Variants in PARP8 observed in about 807,000 individuals in gnomAD.
The protein encoded by PARP8 is poly(ADP-ribose) polymerase family member 8, also known as protein mono-ADP-ribosyltransferase PARP8.
A neutral mutation model predicts 124.1 loss-of-function variants in PARP8; 51 were observed. That is an observed-to-expected ratio of 0.41 (90% CI 0.33 to 0.52). PARP8 has a LOEUF of 0.52. Ranked by LOEUF, PARP8 falls within the 20% of genes least tolerant of loss-of-function variation. The probability of loss-of-function intolerance (pLI) is 0.21; values close to 1 mark genes in which losing one functional copy is unlikely to be tolerated. For synonymous variants in PARP8, 391 were observed against 361.5 expected, an observed-to-expected ratio of 1.08 and a Z score of -0.93; for missense variants, 860 against 1,018.9, an observed-to-expected ratio of 0.84 and a Z score of 2.12.
rs199538343 is a variant in PARP8 at position 50,682,857 on chromosome 5, C to CT, written c.146+14734dup. 3.9e-5 allele frequency among the ~76,000 whole-genome samples: 6 copies of CT among 152,198 alleles called. No homozygotes were observed. The East Asian group carries it at 1.2e-3, about 29-fold the overall frequency. The stretch of plus-strand genomic sequence containing the variant: ...TTAGTAAACAGTTTTTCTATGATCT[C>CT]TTATATACAAGTGTGATTAACGTTT... On this transcript the variant is annotated intron_variant, in intron 2 of 25. Transcript: ENST00000281631.
At chr5:50,667,873 G>T in intron 1 of PARP8, 198 bp from the exon 2 acceptor site, 1 of 1,470,760 alleles carries the variant, frequency 6.8e-7, no homozygotes, top group Non-Finnish European at 9.1e-7. Context: ...TGTTGCGGGG[G>T]GCGGCCTCCC....
intron 14 of PARP8, among the ~76,000 whole-genome samples, chr5:50,804,509 T>C (rs150464841): frequency 5.4e-4 from 82 of 152,312 alleles, no homozygotes; most frequent in African/African-American, 6.7e-4. Flanking sequence ...AACTTTGCCA[T>C]GAAATCTGTC....
chr5:50,671,123 G>A (rs923225141), intron 2 of PARP8, among the ~76,000 whole-genome samples: 1 of 152,168 alleles, frequency 6.6e-6, no homozygotes, highest in African/African-American at 2.4e-5. Context: ...ACACAATTTG[G>A]AAGTTTAGGC....
chr5:50,736,541 G>T (rs1243495313), intron 2 of PARP8, among the ~76,000 whole-genome samples: 1 of 152,104 alleles, frequency 6.6e-6, no homozygotes, highest in Non-Finnish European at 1.5e-5. Flanking sequence ...GGATACCAAA[G>T]ATTCTTTGCT....
upstream of PARP8, chr5:50,666,575 G>T (rs147551224): frequency 0.068 from 10,206 of 149,364 alleles, 388 homozygotes; most frequent in Middle Eastern, 0.11. Flanking sequence ...TGCGGCGGGC[G>T]GGCGGCGCTG....
chr5:50,701,375 C>T (rs1383499330), intron 2 of PARP8, among the ~76,000 whole-genome samples: 1 of 152,064 alleles, frequency 6.6e-6, no homozygotes, highest in Non-Finnish European at 1.5e-5. Context: ...CATGGTACAT[C>T]AGTAAAATAA....
At chr5:50,744,694 C>A (rs1423092267) in intron 2 of PARP8, 1 of 692,334 alleles carries the variant, frequency 1.4e-6, no homozygotes, top group Admixed American at 2.1e-5. Flanking sequence ...TGTAAGTCAG[C>A]ATATCCCAAA....
chr5:50,787,464 C>G (rs1369261556), intron 9 of PARP8, among the ~76,000 whole-genome samples: 2 of 152,112 alleles, frequency 1.3e-5, no homozygotes, highest in Admixed American at 6.6e-5. Context: ...TTGTTCTTAT[C>G]TAACATTTAA....
At chr5:50,788,240 AGTATAAT>A (rs1009512322) in intron 9 of PARP8, among the ~76,000 whole-genome samples, 41 of 145,908 alleles carry the variant, frequency 2.8e-4, no homozygotes, top group African/African-American at 1.0e-3. Context: ...ATTATTATAC[AGTATAAT>A]GTATAATGTA....
In PARP8 at chr5:50,776,575, G is replaced by A. The variant is rs115968279; in HGVS notation, c.519-1494G>A. Among the ~76,000 whole-genome samples, 1,143 of 152,230 alleles carry A rather than the reference G, an allele frequency of 7.5e-3. 15 individuals are homozygous for A. The highest frequency in any genetic ancestry group is 0.026 in the African/African-American group (1,071 of 41,548). ...GATATTACCATGAAAGAATAAGAGT[G>A]TAATTTCATAAAAGTTGAAAATGTG... is the stretch of plus-strand genomic sequence containing the variant. On this transcript the variant is annotated intron_variant, in intron 7 of 25. Transcript: ENST00000281631.
chr5:50,776,816 T>G (rs1740084774), intron 7 of PARP8, among the ~76,000 whole-genome samples: 1 of 152,178 alleles, frequency 6.6e-6, no homozygotes. Context: ...ATTCTATTAC[T>G]TGAATACATA....
At chr5:50,773,487 T>A (rs1261545144) in intron 7 of PARP8, among the ~76,000 whole-genome samples, 2 of 152,216 alleles carry the variant, frequency 1.3e-5, no homozygotes. Context: ...GTTGTAAGTG[T>A]ATGGATGTAT....
At chr5:50,695,775 A>G (rs1752961171) in intron 2 of PARP8, among the ~76,000 whole-genome samples, 1 of 152,148 alleles carries the variant, frequency 6.6e-6, no homozygotes, top group African/African-American at 2.4e-5. Context: ...TTACATTTGG[A>G]TATGCAAAAT....
Position 50,705,625 on chromosome 5 carries a change from AG to A in PARP8, c.146+37501del, listed in dbSNP as rs371688974. On this transcript the variant is annotated intron_variant, in intron 2 of 25. Coordinates refer to ENST00000281631, the MANE Select transcript of PARP8 (RefSeq NM_024615.4). ...TATGGTGAAACCCCATCTTTACTAAAGATACAAAAATTAGCTGGGCGTGATG... is the reference window on the plus strand; with the variant it reads ...TATGGTGAAACCCCATCTTTACTAAAATACAAAAATTAGCTGGGCGTGATG... Among the ~76,000 whole-genome samples, 36 of 152,242 alleles carry A rather than the reference AG, an allele frequency of 2.4e-4. No individual in the cohort carries two copies. In the East Asian group the frequency reaches 5.4e-3, roughly 23 times the overall value.
At chr5:50,677,955 CATATACATTTG>C (rs1251235898) in intron 2 of PARP8, among the ~76,000 whole-genome samples, 1 of 151,106 alleles carries the variant, frequency 6.6e-6, no homozygotes, top group African/African-American at 2.4e-5. Flanking sequence ...ATTATACAGG[CATATACATTTG>C]AATCAGGAAA....
intron 2 of PARP8, among the ~76,000 whole-genome samples, chr5:50,734,683 A>AT (rs1757307886): frequency 6.6e-6 from 1 of 152,100 alleles, no homozygotes; most frequent in African/African-American, 2.4e-5. Flanking sequence ...TCAAATAAAT[A>AT]TTTAGTGCTC....
chr5:50,841,754 A>G (rs903392921), intron 25 of PARP8, among the ~76,000 whole-genome samples: 2 of 148,046 alleles, frequency 1.4e-5, no homozygotes, highest in Non-Finnish European at 3.0e-5. Flanking sequence ...AAAAAAAAAA[A>G]TGGAAGAAAG....
intron 23 of PARP8, among the ~76,000 whole-genome samples, chr5:50,833,691 G>A (rs1747244855): frequency 1.3e-5 from 2 of 152,054 alleles, no homozygotes; most frequent in African/African-American, 4.8e-5. Flanking sequence ...AAGAGGCCAA[G>A]CTTTTAGTAA....
At chr5:50,824,564 CA>C (rs1256964628) in intron 17 of PARP8, among the ~76,000 whole-genome samples, 1 of 151,352 alleles carries the variant, frequency 6.6e-6, no homozygotes, top group African/African-American at 2.4e-5. Flanking sequence ...GTACAATATA[CA>C]TTTTGTGGTT....
Sources: allele counts gnomAD v4.1 joint callset (sites outside exome capture counted in the v4.1 genomes callset), GRCh38; gene constraint gnomAD v4.1.1; transcripts MANE v1.5; gene names NCBI Gene and HGNC (gene_info 2026-07-23, HGNC 2026-07-21).